The following SCN9A variants were observed in gnomAD, a reference collection of about 807,000 sequenced individuals.
SCN9A encodes sodium voltage-gated channel alpha subunit 9, also known as sodium channel protein type 9 subunit alpha.
In SCN9A, 131 loss-of-function variants were observed where a neutral mutation model predicts 187.0. The ratio of observed to expected loss-of-function variants is 0.70; its 90% CI spans 0.61 to 0.81. The LOEUF is 0.81. SCN9A is among the 30% of genes least tolerant of loss of function. The pLI, the probability that SCN9A is intolerant of heterozygous loss-of-function variation, is 0.00. For missense variants in SCN9A, 2,252 were observed against 2,396.6 expected, an observed-to-expected ratio of 0.94 and a Z score of 1.26; for synonymous variants, 809 against 808.6, an observed-to-expected ratio of 1.00 and a Z score of -0.01.
At chr2:166,288,128 C>CACACACAA (rs1697868961) in intron 10 of SCN9A, among the ~76,000 whole-genome samples, 1 of 133,308 alleles carries the variant, frequency 7.5e-6, no homozygotes, top group Non-Finnish European at 1.6e-5. Context: ...TATACACACA[C>CACACACAA]ATTTATATGT....
In SCN9A at chr2:166,213,088, C is replaced by T. The variant is rs538812258; in HGVS notation, c.4399-8624G>A. 1.6e-4 allele frequency among the ~76,000 whole-genome samples: 25 copies of T among 151,858 alleles called. No homozygotes were observed. In the East Asian group the frequency reaches 4.3e-3, roughly 26 times the overall value. On this transcript the variant is annotated intron_variant, in intron 24 of 26. Coordinates refer to ENST00000642356, the MANE Select transcript of SCN9A (RefSeq NM_001365536.1). ...ACATGTCTAGGAACTAGAAAAAGAA[C>T]AAACTAAGCCCAACATCAGCAAAAG...
At chr2:166,236,186 T>C (rs1007553547) in intron 20 of SCN9A, among the ~76,000 whole-genome samples, 2 of 152,104 alleles carry the variant, frequency 1.3e-5, no homozygotes, top group African/African-American at 4.8e-5. Flanking sequence ...AAATACCCAT[T>C]TTATCATTTT....
intron 1 of SCN9A, among the ~76,000 whole-genome samples, chr2:166,366,235 T>C (rs1011778): frequency 0.2 from 31,101 of 152,162 alleles, 4,063 homozygotes; most frequent in Non-Finnish European, 0.29. Flanking sequence ...TTTTTTCTTA[T>C]CTGCCAGTCT....
chr2:166,356,456 A>C (rs1700153090), intron 1 of SCN9A, among the ~76,000 whole-genome samples: 2 of 152,186 alleles, frequency 1.3e-5, no homozygotes. Context: ...TTAAGTTGAA[A>C]AGTTAGGTCC....
intron 24 of SCN9A, among the ~76,000 whole-genome samples, chr2:166,206,986 A>G (rs1048536508): frequency 3.9e-5 from 6 of 152,198 alleles, no homozygotes; most frequent in African/African-American, 1.4e-4. Flanking sequence ...TCAACAGTAA[A>G]TAACATAACA....
At chr2:166,320,169 G>A (rs193232467) in intron 1 of SCN9A, among the ~76,000 whole-genome samples, 12 of 152,166 alleles carry the variant, frequency 7.9e-5, no homozygotes, top group Admixed American at 5.9e-4. Flanking sequence ...AAAGCGGGAA[G>A]TGATTATTCC....
intron 12 of SCN9A, among the ~76,000 whole-genome samples, chr2:166,283,059 T>C (rs965100907): frequency 6.6e-6 from 1 of 152,168 alleles, no homozygotes; most frequent in African/African-American, 2.4e-5. Flanking sequence ...GTTTTGTAGT[T>C]TTCACTTTAG....
chr2:166,236,674 C>T (rs975377907), intron 20 of SCN9A, among the ~76,000 whole-genome samples: 2 of 152,136 alleles, frequency 1.3e-5, no homozygotes, highest in Non-Finnish European at 2.9e-5. Flanking sequence ...CCACCTGCCT[C>T]GGACTCTCAA....
chr2:166,306,023 T>C (rs1698744494), intron 4 of SCN9A, 103 bp from the exon 5 acceptor site: 1 of 1,376,066 alleles, frequency 7.3e-7, no homozygotes, highest in Admixed American at 2.1e-5. Context: ...AAGACATATA[T>C]TGGAGGATGG....
At chr2:166,267,155 C>G (rs890635159) in intron 17 of SCN9A, among the ~76,000 whole-genome samples, 2 of 151,890 alleles carry the variant, frequency 1.3e-5, no homozygotes, top group Non-Finnish European at 2.9e-5. Context: ...AAGCTTTCAG[C>G]TCTTCCCTGG....
At chr2:166,370,232 A>ATCATCATCATCATCATCATC (rs1553507732) in intron 1 of SCN9A, among the ~76,000 whole-genome samples, 16 of 137,290 alleles carry the variant, frequency 1.2e-4, no homozygotes, top group African/African-American at 3.8e-4. Flanking sequence ...TAATAATAAT[A>ATCATCATCATCATCATCATC]ATAATCATCA....
intron 17 of SCN9A, among the ~76,000 whole-genome samples, chr2:166,267,798 T>C (rs990870871): frequency 6.6e-6 from 1 of 151,996 alleles, no homozygotes; most frequent in Non-Finnish European, 1.5e-5. Context: ...AAGTTGTATG[T>C]GTTGAGTAAT....
At chr2:166,330,682 T>G (rs1334543086) in intron 1 of SCN9A, among the ~76,000 whole-genome samples, 1 of 152,140 alleles carries the variant, frequency 6.6e-6, no homozygotes, top group Non-Finnish European at 1.5e-5. Context: ...CTATTCCACT[T>G]CAGATGATCA....
intron 17 of SCN9A, among the ~76,000 whole-genome samples, chr2:166,255,831 T>C (rs1489768173): frequency 6.7e-6 from 1 of 150,210 alleles, no homozygotes; most frequent in East Asian, 2.0e-4. Flanking sequence ...AGAAAAATTA[T>C]GGCAGACAGT....
chr2:166,209,487 C>A (rs913699572), intron 24 of SCN9A, among the ~76,000 whole-genome samples: 1 of 151,958 alleles, frequency 6.6e-6, no homozygotes, highest in Non-Finnish European at 1.5e-5. Flanking sequence ...AAACTATACA[C>A]ACACACACAA....
In SCN9A at chr2:166,293,382, A is replaced by C. The variant is rs1559019772; in HGVS notation, c.966-10T>G. 6.3e-7 allele frequency: 1 copy of C among 1,597,728 alleles called. No homozygotes were observed. Among genetic ancestry groups the C allele is most frequent in the Non-Finnish European group, 8.5e-7 (1 of 1,171,272 alleles). Reference sequence around the variant, plus strand: ...CCCCTCTGGACACTGACTACACACGAGAAAGAACATTATAGGTGAGAGTGT... The same window carrying C: ...CCCCTCTGGACACTGACTACACACGCGAAAGAACATTATAGGTGAGAGTGT... On this transcript the variant is annotated splice_polypyrimidine_tract_variant and intron_variant, in intron 8 of 26. Coordinates refer to ENST00000642356, the MANE Select transcript of SCN9A (RefSeq NM_001365536.1).
rs1467723658 is a variant in SCN9A at position 166,294,535 on chromosome 2, T to C, written c.965+64A>G. On this transcript the variant is annotated intron_variant, in intron 8 of 26. Transcript: ENST00000642356. ...TAGAATCAAAGACTAATTTGCAAAC[T>C]GACTGAACATTCTTTTCCTTCTCTT... The C allele has an allele frequency of 4.1e-6, 5 of 1,229,014 alleles. No individual in the cohort carries two copies. In the African/African-American group the frequency reaches 4.5e-5, roughly 11 times the overall value. 76.1% of individuals were successfully genotyped at this position (1,229,014 alleles called of 1,614,324 possible). A position where few individuals can be genotyped will look rare whatever the true frequency, so the allele number is the denominator to read the frequency against.
At chr2:166,278,923 C>G (rs1368780283) in intron 14 of SCN9A, among the ~76,000 whole-genome samples, 2 of 152,090 alleles carry the variant, frequency 1.3e-5, no homozygotes, top group East Asian at 3.9e-4. Flanking sequence ...CGAAATGAAT[C>G]CTTTGGGTAC....
intron 2 of SCN9A, among the ~76,000 whole-genome samples, chr2:166,308,029 T>C (rs1405259679): frequency 6.6e-6 from 1 of 152,186 alleles, no homozygotes; most frequent in African/African-American, 2.4e-5. Flanking sequence ...GGCTTTTTAT[T>C]TGTATGCGGC....
Sources: allele counts gnomAD v4.1 joint callset (sites outside exome capture counted in the v4.1 genomes callset), GRCh38; gene constraint gnomAD v4.1.1; transcripts MANE v1.5; gene names NCBI Gene and HGNC (gene_info 2026-07-23, HGNC 2026-07-21).